CCDC40: variants seen among roughly 807,000 people sequenced by gnomAD.
The protein encoded by CCDC40 is coiled-coil domain 40 molecular ruler complex subunit.
A neutral mutation model predicts 124.5 loss-of-function variants in CCDC40; 104 were observed. That is an observed-to-expected ratio of 0.84 (90% CI 0.71 to 0.98). The LOEUF (loss-of-function observed/expected upper bound fraction) is 0.98. CCDC40 is among the 50% of genes least tolerant of loss of function. The pLI, the probability that CCDC40 is intolerant of heterozygous loss-of-function variation, is 0.00. For missense variants in CCDC40, 1,463 were observed against 1,503.9 expected (o/e 0.97, Z 0.45); for synonymous variants, 580 against 602.9 (o/e 0.96, Z 0.56).
At position 80,090,176 on chromosome 17, in the gene CCDC40, T is replaced by C; in HGVS notation, c.2832+292T>C. The stretch of plus-strand genomic sequence containing the variant: ...ACAACACAGGACGCACACAGGCACG[T>C]GCACGAACAACACGGGACGCACGCA... On this transcript the variant is annotated intron_variant, in intron 17 of 19. Coordinates refer to ENST00000397545, the MANE Select transcript of CCDC40 (RefSeq NM_017950.4). 3 of 1,157,074 alleles carry C rather than the reference T, an allele frequency of 2.6e-6. 1 individual carries two copies. Among genetic ancestry groups the C allele is most frequent in the Non-Finnish European group, 1.2e-6 (1 of 817,840 alleles). 71.7% of individuals were successfully genotyped at this position (1,157,074 alleles called of 1,614,324 possible).
intron 7 of CCDC40, among the ~76,000 whole-genome samples, chr17:80,057,319 C>T (rs141781146): frequency 2.7e-4 from 41 of 151,892 alleles, no homozygotes; most frequent in African/African-American, 9.2e-4. Context: ...AACTCCTGGC[C>T]TCAAGTGATC....
At chr17:80,082,453 T>C (rs1296906608) in intron 12 of CCDC40, among the ~76,000 whole-genome samples, 1 of 151,520 alleles carries the variant, frequency 6.6e-6, no homozygotes, top group East Asian at 2.0e-4. Flanking sequence ...ACTTGAATTG[T>C]TTTTTCTTTG....
chr17:80,096,542 A>G (rs1049358186), intron 18 of CCDC40, among the ~76,000 whole-genome samples: 23 of 150,748 alleles, frequency 1.5e-4, no homozygotes, highest in Non-Finnish European at 3.1e-4. Flanking sequence ...TGCCCTGGGC[A>G]CCCCCTGAGT....
chr17:80,036,870 C>T (rs2037076612), intron 1 of CCDC40, 179 bp downstream of exon 1: 1 of 518,608 alleles, frequency 1.9e-6, no homozygotes, highest in African/African-American at 2.0e-5. Flanking sequence ...GCGTTCAGCC[C>T]CTCACCCCCC....
Position 80,087,367 on chromosome 17 carries a change from T to C in CCDC40, c.2450-240T>C, listed in dbSNP as rs2038607883. The C allele has an allele frequency of 7.1e-6, 4 of 562,220 alleles. No homozygotes were observed. Among genetic ancestry groups the C allele is most frequent in the South Asian group, 6.0e-5 (3 of 50,202 alleles). 34.8% of individuals were successfully genotyped at this position (562,220 alleles called of 1,614,324 possible). A position where few individuals can be genotyped will look rare whatever the true frequency, so the allele number is the denominator to read the frequency against. On this transcript the variant is annotated intron_variant, in intron 14 of 19. Coordinates refer to ENST00000397545, the MANE Select transcript of CCDC40 (RefSeq NM_017950.4). This position sits in a 1 kb window ranked among gnomAD's most constrained non-coding sequence, Gnocchi z 4.5. ...TGTCCCCACAGGCAGGTCCTCTCAG[T>C]TCCGTTGGAGGACCAGGCTTTGGGA...
chr17:80,040,018 T>C lies in CCDC40; in HGVS notation c.300T>C (p.Thr100=). 6.2e-7 allele frequency: 1 copy of C among 1,614,120 alleles called. No homozygotes were observed. Among genetic ancestry groups the C allele is most frequent in the East Asian group, 2.2e-5 (1 of 44,872 alleles). ...ESEEEYYYTE[T]SSPEGQISAA... is the part of the protein sequence containing the mutation. Reference sequence around the variant, plus strand: ...AAGAGGAATATTACTATACAGAAACTTCATCCCCGGAAGGGCAAATCAGTG... The same window carrying C: ...AAGAGGAATATTACTATACAGAAACCTCATCCCCGGAAGGGCAAATCAGTG... Residue 100 remains threonine (T), a synonymous_variant, in exon 3 of 20, where the codon ACT becomes ACC. Transcript: ENST00000397545.
At chr17:80,047,520 C>G (rs2037459206) in intron 4 of CCDC40, 118 bp downstream of exon 4, 1 of 1,075,264 alleles carries the variant, frequency 9.3e-7, no homozygotes, top group African/African-American at 1.6e-5. Flanking sequence ...TGGCTGTGAG[C>G]TGAAAGAGAA....
chr17:80,047,104 C>G (rs1027025916), intron 3 of CCDC40, among the ~76,000 whole-genome samples, 175 bp from the exon 4 acceptor site: 30 of 152,332 alleles, frequency 2.0e-4, no homozygotes, highest in Non-Finnish European at 3.2e-4. Context: ...CCTTGGCCTC[C>G]CAAAGTGCTG....
Position 80,066,127 on chromosome 17 carries a change from G to A in CCDC40, c.1562+521G>A, listed in dbSNP as rs1598511899. On this transcript the variant is annotated intron_variant, in intron 10 of 19. Coordinates refer to ENST00000397545, the MANE Select transcript of CCDC40 (RefSeq NM_017950.4). This position sits in a 1 kb window ranked among gnomAD's most constrained non-coding sequence, Gnocchi z 4.4. ...CTGCCTTCATTCCTAAAACCACCCA[G>A]GGTGACCAGGTCTCGGGACGCGGAA... 3 of 702,962 alleles carry A rather than the reference G, an allele frequency of 4.3e-6. No homozygotes were observed. The highest frequency in any genetic ancestry group is 5.4e-5 in the East Asian group (2 of 37,272). The allele number at this position is 702,962 out of a possible 1,614,324, so 43.5% of individuals were successfully genotyped here.
At chr17:80,067,255 C>T (rs1006656774) in intron 10 of CCDC40, 2 of 467,008 alleles carry the variant, frequency 4.3e-6, no homozygotes, top group Non-Finnish European at 7.7e-6. Context: ...CCCTCAGAGA[C>T]ATGGCTTCCT....
At chr17:80,051,258 G>A in intron 7 of CCDC40, 1 of 954,446 alleles carries the variant, frequency 1.0e-6, no homozygotes, top group South Asian at 4.8e-5. Flanking sequence ...AGCTGTTCTG[G>A]AAAGAAACAT....
chr17:80,095,936 A>G (rs2038802992), intron 18 of CCDC40, among the ~76,000 whole-genome samples: 1 of 152,208 alleles, frequency 6.6e-6, no homozygotes, highest in African/African-American at 2.4e-5. Context: ...GAGAGCCTGC[A>G]TCCGCATACC....
At chr17:80,046,995 G>A (rs1042812857) in intron 3 of CCDC40, among the ~76,000 whole-genome samples, 9 of 152,170 alleles carry the variant, frequency 5.9e-5, no homozygotes, top group East Asian at 1.9e-4. Flanking sequence ...ACAGGTGCCC[G>A]CCACCGCACC....
intron 10 of CCDC40, chr17:80,067,674 G>T (rs914400268): frequency 1.3e-6 from 2 of 1,535,792 alleles, no homozygotes; most frequent in African/African-American, 1.4e-5. Context: ...CCGGATCCGC[G>T]AATGCTAACG....
rs1024108532 is a variant in CCDC40 at position 80,086,455 on chromosome 17, C to T, written c.2449+239C>T. 8.1e-5 allele frequency: 41 copies of T among 507,200 alleles called. No homozygotes were observed. The highest frequency in any genetic ancestry group is 6.4e-4 in the African/African-American group (33 of 51,848). The allele number at this position is 507,200 out of a possible 1,614,324, so 31.4% of individuals were successfully genotyped here. On this transcript the variant is annotated intron_variant, in intron 14 of 19. Coordinates refer to ENST00000397545, the MANE Select transcript of CCDC40 (RefSeq NM_017950.4). The surrounding 1 kb of genome is among the most constrained non-coding windows in gnomAD (Gnocchi z 5.5). ...ATGTCACGAAATGGCTCCAAGCTCA[C>T]GGACTTCAGAGCTCTCCTTGAGAGA...
intron 17 of CCDC40, chr17:80,090,240 T>A (rs2038683724): frequency 2.3e-6 from 2 of 879,630 alleles, no homozygotes; most frequent in Non-Finnish European, 1.6e-6. Flanking sequence ...CGCAGGCACG[T>A]GCACGAACAA....
chr17:80,089,741 C>T (rs745396329), intron 16 of CCDC40, 23 bp from the exon 17 acceptor site: 3 of 1,613,954 alleles, frequency 1.9e-6, no homozygotes, highest in African/African-American at 2.7e-5. Flanking sequence ...TAATTTCTTA[C>T]ACTGCCTCTC....
chr17:80,096,125 C>T (rs145738274), intron 18 of CCDC40, among the ~76,000 whole-genome samples: 6 of 152,302 alleles, frequency 3.9e-5, no homozygotes, highest in East Asian at 1.9e-4. Flanking sequence ...TGCAGGGCCT[C>T]GTCTGCTGGG....
intron 17 of CCDC40, 39 bp from the exon 18 acceptor site, chr17:80,095,224 G>T: frequency 1.2e-6 from 2 of 1,602,912 alleles, no homozygotes; most frequent in Non-Finnish European, 1.7e-6. Flanking sequence ...CTGCAGCTCA[G>T]GCCTGCCCCA....
Sources: gnomAD v4.1 joint callset for allele counts (sites outside exome capture counted in the v4.1 genomes callset) on GRCh38, gnomAD v4.1.1 for gene constraint, Gnocchi (gnomAD v3.1) non-coding constraint, MANE v1.5 for transcripts, NCBI Gene and HGNC (gene_info 2026-07-23, HGNC 2026-07-21) for gene names.